PLCL1: variants seen among roughly 807,000 people sequenced by gnomAD.
The protein encoded by PLCL1 is inactive phospholipase C-like protein 1.
A neutral mutation model predicts 84.4 loss-of-function variants in PLCL1; 41 were observed. The ratio of observed to expected loss-of-function variants is 0.49; its 90% CI spans 0.38 to 0.63. PLCL1 has a LOEUF of 0.63. Among genes scored for constraint, PLCL1 ranks in the 30% least tolerant of loss-of-function variants. The pLI is 0.00. For missense variants in PLCL1, 1,206 were observed against 1,367.8 expected (o/e 0.88, Z 1.87); for synonymous variants, 490 against 488.3 (o/e 1.00, Z -0.05).
intron 1 of PLCL1, among the ~76,000 whole-genome samples, chr2:197,955,588 T>TCC (rs1689470966): frequency 6.6e-6 from 1 of 151,682 alleles, no homozygotes. Context: ...CCTCTCTGTG[T>TCC]CCAAGTGTTC....
At chr2:197,956,475 A>G (rs1167252955) in intron 1 of PLCL1, among the ~76,000 whole-genome samples, 3 of 152,188 alleles carry the variant, frequency 2.0e-5, no homozygotes, top group Non-Finnish European at 4.4e-5. Flanking sequence ...TTCTAGTTCT[A>G]GATCCTTGAG....
In PLCL1 at chr2:198,094,517, G is replaced by GCA. The variant is rs530407189; in HGVS notation, c.2919+5459_2919+5460dup. Among the ~76,000 whole-genome samples, 13 of 152,264 alleles carry GCA rather than the reference G, an allele frequency of 8.5e-5. No homozygotes were observed. The East Asian group carries it at 2.5e-3, about 29-fold the overall frequency. On this transcript the variant is annotated intron_variant, in intron 3 of 5. Transcript: ENST00000428675. Reference sequence around the variant, plus strand: ...GGAAGGCACACTCTCCCCTGTCTTAGCACATCTTACTTAAAGTATACGTTT... The same window carrying GCA: ...GGAAGGCACACTCTCCCCTGTCTTAGCACACATCTTACTTAAAGTATACGTTT...
chr2:197,932,740 A>G (rs1308138802), intron 1 of PLCL1, among the ~76,000 whole-genome samples: 1 of 152,216 alleles, frequency 6.6e-6, no homozygotes, highest in African/African-American at 2.4e-5. Flanking sequence ...TATTCCAGGT[A>G]TTGCAGGAAT....
chr2:197,904,150 T>A (rs1043061801), intron 1 of PLCL1, among the ~76,000 whole-genome samples: 1 of 152,190 alleles, frequency 6.6e-6, no homozygotes, highest in Non-Finnish European at 1.5e-5. Context: ...ACATAAATAC[T>A]CATTAGATAT....
At chr2:197,890,783 T>C (rs995914879) in intron 1 of PLCL1, among the ~76,000 whole-genome samples, 7 of 145,732 alleles carry the variant, frequency 4.8e-5, no homozygotes, top group Admixed American at 4.1e-4. Flanking sequence ...CATATATATG[T>C]ATATATGTAT....
At chr2:197,952,622 T>TTG (rs927775037) in intron 1 of PLCL1, among the ~76,000 whole-genome samples, 2 of 152,170 alleles carry the variant, frequency 1.3e-5, no homozygotes, top group Admixed American at 6.5e-5. Context: ...ATCATTGCAC[T>TTG]TGTGTGGATG....
chr2:197,891,158 A>G (rs900326467), intron 1 of PLCL1, among the ~76,000 whole-genome samples: 8 of 152,042 alleles, frequency 5.3e-5, no homozygotes, highest in African/African-American at 1.9e-4. Flanking sequence ...TGCATCTCCT[A>G]CATTTAGGTA....
chr2:198,083,720 A>G (rs568058359), intron 1 of PLCL1, 38 bp from the exon 2 acceptor site: 218 of 1,392,214 alleles, frequency 1.6e-4, no homozygotes, highest in Non-Finnish European at 2.1e-4. Context: ...TCTGTTTTCT[A>G]AAGGAAATTG....
At chr2:197,873,154 T>A (rs931136424) in intron 1 of PLCL1, among the ~76,000 whole-genome samples, 12 of 152,188 alleles carry the variant, frequency 7.9e-5, no homozygotes, top group African/African-American at 2.9e-4. Flanking sequence ...TCAACATGTT[T>A]ATGTGTATTC....
chr2:197,912,444 G>T (rs575338767), intron 1 of PLCL1, among the ~76,000 whole-genome samples: 217 of 151,924 alleles, frequency 1.4e-3, no homozygotes, highest in Middle Eastern at 6.8e-3. Context: ...CCATTACTGG[G>T]TATATACCCA....
intron 1 of PLCL1, among the ~76,000 whole-genome samples, chr2:197,857,172 CT>C (rs112813397): frequency 0.018 from 2,644 of 145,850 alleles, 63 homozygotes; most frequent in African/African-American, 0.055. Context: ...AGAGAATGAA[CT>C]TTTTTTTTTT....
At chr2:198,037,688 A>G (rs1454928400) in intron 1 of PLCL1, among the ~76,000 whole-genome samples, 2 of 152,134 alleles carry the variant, frequency 1.3e-5, no homozygotes, top group Non-Finnish European at 1.5e-5. Flanking sequence ...ATTTTTTCCA[A>G]AACGGTTTTA....
chr2:197,830,028 C>T (rs1005895857), intron 1 of PLCL1, among the ~76,000 whole-genome samples: 6 of 152,150 alleles, frequency 3.9e-5, no homozygotes, highest in East Asian at 3.9e-4. Context: ...AACATCACAT[C>T]GTAAGCCCCA....
chr2:197,807,211 T>G (rs1478938583), intron 1 of PLCL1, among the ~76,000 whole-genome samples: 1 of 152,192 alleles, frequency 6.6e-6, no homozygotes, highest in East Asian at 1.9e-4. Flanking sequence ...CCTCAGACAC[T>G]CCACATTCCC....
chr2:197,833,983 A>G (rs2105659528), intron 1 of PLCL1, among the ~76,000 whole-genome samples: 1 of 152,346 alleles, frequency 6.6e-6, no homozygotes. Flanking sequence ...GATCAGTGGA[A>G]CAGAACAGAG....
chr2:197,989,310 G>A (rs76442458), intron 1 of PLCL1, among the ~76,000 whole-genome samples: 4,591 of 152,206 alleles, frequency 0.03, 246 homozygotes, highest in African/African-American at 0.1. Context: ...AAGACATGGA[G>A]TATTCTACAT....
intron 1 of PLCL1, among the ~76,000 whole-genome samples, chr2:198,020,577 A>AC (rs1213603706): frequency 2.0e-5 from 3 of 152,126 alleles, no homozygotes; most frequent in Non-Finnish European, 4.4e-5. Context: ...AAAAAAGAAA[A>AC]AAAAAGCAGG....
intron 1 of PLCL1, among the ~76,000 whole-genome samples, chr2:198,027,012 T>TG (rs1382121214): frequency 6.6e-6 from 1 of 152,148 alleles, no homozygotes; most frequent in East Asian, 1.9e-4. Flanking sequence ...ATCCCACTAT[T>TG]GGGTGTATAT....
intron 1 of PLCL1, among the ~76,000 whole-genome samples, chr2:198,033,480 C>T (rs533635799): frequency 2.6e-5 from 4 of 152,100 alleles, no homozygotes; most frequent in Admixed American, 6.6e-5. Flanking sequence ...TTCTCAAATG[C>T]GACAGATTTT....
Sources: allele counts gnomAD v4.1 joint callset (sites outside exome capture counted in the v4.1 genomes callset), GRCh38; gene constraint gnomAD v4.1.1; transcripts MANE v1.5; gene names NCBI Gene and HGNC (gene_info 2026-07-23, HGNC 2026-07-21).